Variants in SCAMP1 observed in about 807,000 individuals in gnomAD.
SCAMP1 encodes secretory carrier-associated membrane protein 1.
SCAMP1 carries 15 observed loss-of-function variants against 41.8 expected under a neutral mutation model. That is an observed-to-expected ratio of 0.36 (90% CI 0.24 to 0.55). The LOEUF is 0.55. Among genes scored for constraint, SCAMP1 ranks in the 20% least tolerant of loss-of-function variants. SCAMP1 has a pLI of 0.86. For synonymous variants in SCAMP1, 135 were observed against 136.8 expected (o/e 0.99, Z 0.09); for missense variants, 341 against 412.6 (o/e 0.83, Z 1.50).
chr5:78,397,921 T>A (rs1751693593), intron 2 of SCAMP1, among the ~76,000 whole-genome samples: 2 of 152,204 alleles, frequency 1.3e-5, no homozygotes, highest in Non-Finnish European at 2.9e-5. Context: ...TCCATTAGGA[T>A]ATCTATAATC....
At chr5:78,423,421 T>A (rs1752389443) in intron 6 of SCAMP1, among the ~76,000 whole-genome samples, 1 of 152,078 alleles carries the variant, frequency 6.6e-6, no homozygotes, top group Non-Finnish European at 1.5e-5. Flanking sequence ...GCTTTTTCTG[T>A]TTTTTGTTAG....
At chr5:78,367,421 C>T (rs952457500) in intron 1 of SCAMP1, among the ~76,000 whole-genome samples, 1 of 152,050 alleles carries the variant, frequency 6.6e-6, no homozygotes, top group Non-Finnish European at 1.5e-5. Flanking sequence ...TTTCAGATAT[C>T]CTTACTCAAG....
intron 8 of SCAMP1, among the ~76,000 whole-genome samples, chr5:78,469,916 A>AC (rs1753839154): frequency 1.4e-5 from 1 of 71,090 alleles, no homozygotes; most frequent in Non-Finnish European, 2.3e-5. Context: ...AAAAAAACAA[A>AC]AAAAAAAAAA....
At chr5:78,458,843 A>G (rs1043025796) in intron 7 of SCAMP1, among the ~76,000 whole-genome samples, 17 of 152,182 alleles carry the variant, frequency 1.1e-4, no homozygotes, top group East Asian at 5.8e-4. Context: ...TCATGCCACT[A>G]TACTGCAGCC....
chr5:78,451,710 T>G lies in SCAMP1; in HGVS notation c.734+1676T>G, dbSNP rs1163179562. On this transcript the variant is annotated intron_variant, in intron 7 of 8. Coordinates refer to ENST00000621999, the MANE Select transcript of SCAMP1 (RefSeq NM_004866.6). Reference sequence around the variant, plus strand: ...TCTCGCCCTATCACCCAGGCTGGAGTGCCGTGGCATGATCTCAGCTCACTG... The same window carrying G: ...TCTCGCCCTATCACCCAGGCTGGAGGGCCGTGGCATGATCTCAGCTCACTG... Among the ~76,000 whole-genome samples the G allele has an allele frequency of 2.6e-5, 4 of 152,198 alleles. No homozygotes were observed. The East Asian group carries it at 7.7e-4, about 29-fold the overall frequency.
chr5:78,380,700 A>T (rs1751183705), intron 1 of SCAMP1, among the ~76,000 whole-genome samples: 1 of 152,220 alleles, frequency 6.6e-6, no homozygotes, highest in Non-Finnish European at 1.5e-5. Context: ...GAAGAAACAG[A>T]ATATCACCAG....
At chr5:78,442,562 T>G (rs1218275683) in intron 6 of SCAMP1, among the ~76,000 whole-genome samples, 1 of 152,110 alleles carries the variant, frequency 6.6e-6, no homozygotes, top group Non-Finnish European at 1.5e-5. Flanking sequence ...CCCGGCTGAG[T>G]TTTGTTTTAT....
In SCAMP1 at chr5:78,409,619, A is replaced by G. The variant is rs1046624397; in HGVS notation, c.136-5901A>G. The stretch of plus-strand genomic sequence containing the variant: ...AGAAAATACTGGGTCTTTAACATCT[A>G]CAGATGTGAAGAAATTATCAGGATA... On this transcript the variant is annotated intron_variant, in intron 2 of 8. Transcript: ENST00000621999. Among the ~76,000 whole-genome samples the G allele has an allele frequency of 4.3e-4, 65 of 152,138 alleles. 1 individual carries two copies. Among genetic ancestry groups the G allele is most frequent in the Admixed American group, 3.5e-3 (54 of 15,270 alleles).
chr5:78,439,287 T>C (rs1398771379), intron 6 of SCAMP1, among the ~76,000 whole-genome samples: 1 of 152,250 alleles, frequency 6.6e-6, no homozygotes, highest in East Asian at 1.9e-4. Context: ...TGCCTGTTAA[T>C]TGATGCAGTT....
intron 2 of SCAMP1, among the ~76,000 whole-genome samples, chr5:78,392,000 AGAGAGG>A (rs1299208780): frequency 4.1e-5 from 6 of 146,656 alleles, no homozygotes; most frequent in East Asian, 2.0e-4. Context: ...GACCGTGGAA[AGAGAGG>A]GAGAGGGAGA....
chr5:78,450,678 T>G (rs545323246), intron 7 of SCAMP1, among the ~76,000 whole-genome samples: 2 of 152,322 alleles, frequency 1.3e-5, no homozygotes, highest in East Asian at 3.9e-4. Context: ...TCTCTAAAAT[T>G]ATCTGTTCCT....
At chr5:78,474,037 CAGAG>C (rs959567481) in intron 8 of SCAMP1, among the ~76,000 whole-genome samples, 2 of 150,458 alleles carry the variant, frequency 1.3e-5, no homozygotes. Flanking sequence ...GGAAGGTTGT[CAGAG>C]AGATCTCTGG....
At chr5:78,442,584 C>A (rs747358916) in intron 6 of SCAMP1, among the ~76,000 whole-genome samples, 5 of 152,158 alleles carry the variant, frequency 3.3e-5, no homozygotes, top group Non-Finnish European at 7.4e-5. Context: ...AGAGCATAGC[C>A]TATGTAATAG....
chr5:78,432,176 T>C (rs1326880851), intron 6 of SCAMP1, among the ~76,000 whole-genome samples: 1 of 152,180 alleles, frequency 6.6e-6, no homozygotes. Flanking sequence ...TATGTGTCAC[T>C]ACTTTTGCTT....
chr5:78,434,843 A>G (rs897264728), intron 6 of SCAMP1, among the ~76,000 whole-genome samples: 1 of 152,242 alleles, frequency 6.6e-6, no homozygotes, highest in African/African-American at 2.4e-5. Flanking sequence ...GAGGTTTATA[A>G]TAAGTATAAA....
intron 1 of SCAMP1, among the ~76,000 whole-genome samples, chr5:78,380,393 C>T (rs557173865): frequency 6.6e-6 from 1 of 152,172 alleles, no homozygotes; most frequent in Non-Finnish European, 1.5e-5. Flanking sequence ...AAGGTTGTAA[C>T]AGTCTTTATT....
At chr5:78,377,829 A>T (rs553414287) in intron 1 of SCAMP1, among the ~76,000 whole-genome samples, 1 of 152,160 alleles carries the variant, frequency 6.6e-6, no homozygotes, top group African/African-American at 2.4e-5. Context: ...AGCACTTTAC[A>T]TGTAGTAACT....
At chr5:78,429,288 G>A (rs201457942) in intron 6 of SCAMP1, among the ~76,000 whole-genome samples, 1 of 135,694 alleles carries the variant, frequency 7.4e-6, no homozygotes, top group African/African-American at 2.7e-5. Context: ...TTTTTTTTTT[G>A]TAGATGCCCT....
In SCAMP1 at chr5:78,433,552, C is replaced by G. The variant is rs777040935; in HGVS notation, c.632+11592C>G. Among the ~76,000 whole-genome samples, 66 of 152,146 alleles carry G rather than the reference C, an allele frequency of 4.3e-4. 1 individual carries two copies. Among genetic ancestry groups the G allele is most frequent in the Admixed American group, 4.3e-3 (66 of 15,262 alleles). ...GGGTTTGGGTTTTTGCTCACCATGA[C>G]TGCCCTCAGTACCTCAGAGACTTCA... On this transcript the variant is annotated intron_variant, in intron 6 of 8. Transcript: ENST00000621999.
Sources: gnomAD v4.1 joint callset for allele counts (sites outside exome capture counted in the v4.1 genomes callset) on GRCh38, gnomAD v4.1.1 for gene constraint, MANE v1.5 for transcripts, NCBI Gene and HGNC (gene_info 2026-07-23, HGNC 2026-07-21) for gene names.